Variants in RNF182 observed in about 807,000 individuals in gnomAD.
RNF182 encodes E3 ubiquitin-protein ligase RNF182.
Under a neutral mutation model 14.4 loss-of-function variants are expected in RNF182, and 15 were observed. The observed-to-expected ratio is 1.04, with a 90% confidence interval of 0.70 to 1.60. The LOEUF is 1.60. Among genes scored for constraint, RNF182 ranks in the 40% most tolerant of loss-of-function variants. RNF182 has a pLI of 0.00. For missense variants in RNF182, 268 were observed against 294.8 expected, an observed-to-expected ratio of 0.91 and a Z score of 0.67; for synonymous variants, 128 against 122.9, an observed-to-expected ratio of 1.04 and a Z score of -0.27.
rs1311622318 is a variant in RNF182 at position 13,960,692 on chromosome 6, T to TGCGC, written c.-366-13514_-366-13511dup. Among the ~76,000 whole-genome samples the TGCGC allele has an allele frequency of 5.1e-5, 7 of 137,694 alleles. No homozygotes were observed. In the East Asian group the frequency reaches 6.4e-4, roughly 12 times the overall value. 90.3% of individuals were successfully genotyped at this position (137,694 alleles called of 152,430 possible). ...GTGTGTGTGTGTGTGTGTGTGTGTG[T>TGCGC]GCGCGCGTGCACATGCATGTGATGT... On this transcript the variant is annotated intron_variant, in intron 1 of 2. Coordinates refer to ENST00000488300, the MANE Select transcript of RNF182 (RefSeq NM_152737.4).
Position 13,980,198 on chromosome 6 carries a change from GTTTT to G in RNF182, c.*2339_*2342del. On this transcript the variant is annotated 3_prime_UTR_variant, in exon 3 of 3. Transcript: ENST00000488300. Reference sequence around the variant, plus strand: ...ATCACACTTTTAAAAGGCCTTCATAGTTTTTTTATTTTATTTTATTTTATTTTAT... The same window carrying G: ...ATCACACTTTTAAAAGGCCTTCATAGTTTATTTTATTTTATTTTATTTTAT... 1.1e-5 allele frequency: 1 copy of G among 88,750 alleles called. No individual in the cohort carries two copies. Among genetic ancestry groups the G allele is most frequent in the African/African-American group, 3.4e-5 (1 of 29,698 alleles). 5.5% of individuals were successfully genotyped at this position (88,750 alleles called of 1,614,324 possible). A position where few individuals can be genotyped will look rare whatever the true frequency, so the allele number is the denominator to read the frequency against.
chr6:13,955,788 C>T (rs1323066252), intron 1 of RNF182, among the ~76,000 whole-genome samples: 1 of 152,116 alleles, frequency 6.6e-6, no homozygotes, highest in African/African-American at 2.4e-5. Flanking sequence ...CAGTGTGGCT[C>T]ACACCTGTAA....
In RNF182 at chr6:13,977,816, C is replaced by G. The variant is rs1470568501; in HGVS notation, c.697C>G (p.Gln233Glu). 1 of 1,614,028 alleles carries G rather than the reference C, an allele frequency of 6.2e-7. No homozygotes were observed. Among genetic ancestry groups the G allele is most frequent in the Admixed American group, 1.7e-5 (1 of 60,020 alleles). ...LVILMVYGFC[Q>E]CVCHEFLDCM... is the part of the protein sequence containing the mutation. ...TATTCTTATGGTGTATGGTTTTTGCCAGTGTGTTTGTCATGAATTTCTAGA... is the reference window on the plus strand; with the variant it reads ...TATTCTTATGGTGTATGGTTTTTGCGAGTGTGTTTGTCATGAATTTCTAGA... Residue 233 changes from glutamine to glutamate, a missense_variant, in exon 3 of 3, where the codon CAG (glutamine) becomes GAG (glutamate). Coordinates refer to ENST00000488300, the MANE Select transcript of RNF182 (RefSeq NM_152737.4).
chr6:13,964,916 CAGG>C (rs1279182265), intron 1 of RNF182, among the ~76,000 whole-genome samples: 3 of 152,210 alleles, frequency 2.0e-5, no homozygotes, highest in Non-Finnish European at 4.4e-5. Flanking sequence ...TGCTAGATCA[CAGG>C]AGAAGAGACC....
chr6:13,931,245 G>A (rs1383680052), intron 1 of RNF182, among the ~76,000 whole-genome samples: 1 of 152,138 alleles, frequency 6.6e-6, no homozygotes, highest in Non-Finnish European at 1.5e-5. Flanking sequence ...CTGAATTTGT[G>A]TTTTGTTTTA....
intron 1 of RNF182, among the ~76,000 whole-genome samples, chr6:13,958,219 C>A (rs1759778458): frequency 6.6e-6 from 1 of 151,988 alleles, no homozygotes; most frequent in Non-Finnish European, 1.5e-5. Context: ...AACCCCGTCT[C>A]TATTAAAAAT....
intron 1 of RNF182, among the ~76,000 whole-genome samples, chr6:13,934,257 C>G (rs280145): frequency 0.34 from 50,908 of 151,954 alleles, 10,693 homozygotes; most frequent in Admixed American, 0.48. Flanking sequence ...AGAGTCACTC[C>G]TCACCCTGTC....
intron 2 of RNF182, among the ~76,000 whole-genome samples, chr6:13,976,592 C>T (rs1263170538): frequency 6.6e-6 from 1 of 152,170 alleles, no homozygotes; most frequent in Non-Finnish European, 1.5e-5. Flanking sequence ...GAATTTGTTA[C>T]AAGTTTCAGA....
intron 1 of RNF182, among the ~76,000 whole-genome samples, chr6:13,967,714 A>G (rs552543708): frequency 6.6e-5 from 10 of 152,302 alleles, no homozygotes; most frequent in African/African-American, 1.9e-4. Context: ...AGAAAAGTAT[A>G]TAACCTTTTT....
chr6:13,968,333 CT>C (rs1561787165), intron 1 of RNF182, among the ~76,000 whole-genome samples: 1 of 152,050 alleles, frequency 6.6e-6, no homozygotes, highest in Non-Finnish European at 1.5e-5. Context: ...TGGATTTTTT[CT>C]TTGTCAAATA....
chr6:13,950,805 T>C (rs1036596891), intron 1 of RNF182, among the ~76,000 whole-genome samples: 2 of 151,962 alleles, frequency 1.3e-5, no homozygotes, highest in Non-Finnish European at 2.9e-5. Context: ...ACTCCCCCTT[T>C]ATTTTTTTTG....
chr6:13,964,543 A>G (rs764411437), intron 1 of RNF182, among the ~76,000 whole-genome samples: 31 of 152,130 alleles, frequency 2.0e-4, no homozygotes, highest in Non-Finnish European at 4.3e-4. Context: ...ATTCTACTCT[A>G]TCTGCCTTTC....
intron 1 of RNF182, among the ~76,000 whole-genome samples, chr6:13,954,817 G>A (rs1759686960): frequency 6.6e-6 from 1 of 152,024 alleles, no homozygotes; most frequent in Non-Finnish European, 1.5e-5. Flanking sequence ...TCTGTCCCCT[G>A]TATTTCCTGT....
chr6:13,936,798 C>G (rs1561776257), intron 1 of RNF182, among the ~76,000 whole-genome samples: 1 of 152,134 alleles, frequency 6.6e-6, no homozygotes, highest in Non-Finnish European at 1.5e-5. Flanking sequence ...CCCAGGAAAG[C>G]AGGCAAATAT....
chr6:13,943,863 A>G (rs1287463138), intron 1 of RNF182, among the ~76,000 whole-genome samples: 2 of 152,194 alleles, frequency 1.3e-5, no homozygotes, highest in Admixed American at 6.5e-5. Context: ...AAAAGGTACT[A>G]AAAGACATTA....
In RNF182 at chr6:13,975,327, G is replaced by A. The variant is rs116725866; in HGVS notation, c.-212+963G>A. 5.0e-3 allele frequency among the ~76,000 whole-genome samples: 769 copies of A among 152,304 alleles called. 10 individuals carry two copies. Among genetic ancestry groups the A allele is most frequent in the African/African-American group, 0.018 (728 of 41,574 alleles). The stretch of plus-strand genomic sequence containing the variant: ...GTATCCTGAATGGGATCAGGATCAG[G>A]AATGAGGGAAATTAGGGCACATGGA... On this transcript the variant is annotated intron_variant, in intron 2 of 2. Coordinates refer to ENST00000488300, the MANE Select transcript of RNF182 (RefSeq NM_152737.4).
At chr6:13,926,880 G>T (rs919075601) in intron 1 of RNF182, among the ~76,000 whole-genome samples, 1 of 151,722 alleles carries the variant, frequency 6.6e-6, no homozygotes, top group African/African-American at 2.4e-5. Flanking sequence ...GACTTGGTCC[G>T]TGCTTTCTGC....
intron 1 of RNF182, among the ~76,000 whole-genome samples, chr6:13,928,958 T>C (rs1758901899): frequency 6.6e-6 from 1 of 152,186 alleles, no homozygotes; most frequent in African/African-American, 2.4e-5. Context: ...TAACACTTTA[T>C]GGTCCAGACT....
intron 1 of RNF182, among the ~76,000 whole-genome samples, chr6:13,937,582 A>C (rs1161971528): frequency 2.0e-5 from 3 of 152,226 alleles, no homozygotes; most frequent in African/African-American, 7.2e-5. Flanking sequence ...GTTCATAGAC[A>C]TTTGGGTTGT....
Sources: gnomAD v4.1 joint callset for allele counts (sites outside exome capture counted in the v4.1 genomes callset) on GRCh38, gnomAD v4.1.1 for gene constraint, MANE v1.5 for transcripts, NCBI Gene and HGNC (gene_info 2026-07-23, HGNC 2026-07-21) for gene names.